The following NPIPB7 variants were observed in gnomAD, a reference collection of about 807,000 sequenced individuals.
NPIPB7 encodes nuclear pore complex-interacting protein family member B7.
For synonymous variants in NPIPB7, 9 were observed against 88.1 expected (o/e 0.10, Z 5.03); for missense variants, 14 against 238.5 (o/e 0.06, Z 6.20).
At chr16:28,470,716 G>T (rs1405778323), upstream of NPIPB7, among the ~76,000 whole-genome samples, 2 of 150,888 alleles carry the variant, frequency 1.3e-5, no homozygotes, top group East Asian at 3.9e-4. Context: ...AGGAGGTGGA[G>T]GAGGAGAAGA....
At chr16:28,457,308 CAG>C (rs2045851459) in intron 6 of NPIPB7, among the ~76,000 whole-genome samples, 2 of 84,578 alleles carry the variant, frequency 2.4e-5, no homozygotes, top group African/African-American at 4.1e-5. Context: ...CCAGGGAAGA[CAG>C]AGTCATAACA....
At chr16:28,463,761 G>C (rs1180069481) in intron 2 of NPIPB7, among the ~76,000 whole-genome samples, 1 of 134,518 alleles carries the variant, frequency 7.4e-6, no homozygotes, top group Non-Finnish European at 1.6e-5. Context: ...AATAGCCCAG[G>C]TGCGGTAGCT....
At chr16:28,463,565 A>G (rs1288394290) in intron 2 of NPIPB7, among the ~76,000 whole-genome samples, 1 of 144,816 alleles carries the variant, frequency 6.9e-6, no homozygotes, top group Non-Finnish European at 1.5e-5. Flanking sequence ...TGTCTCTGCT[A>G]AAAATACAAA....
Position 28,463,024 on chromosome 16 carries a change from C to CCATGG in NPIPB7, c.306_307insCCATG (p.Val103ProfsTer18). The CCATGG allele has an allele frequency of 2.6e-6, 1 of 381,696 alleles. No homozygotes were observed. The highest frequency in any genetic ancestry group is 4.3e-6 in the Non-Finnish European group (1 of 231,476). 23.6% of individuals were successfully genotyped at this position (381,696 alleles called of 1,614,324 possible). ...TTGGACCTCCAGGCTCTCTGCTGTA[C>CCATGG]ATCCATGGATCCATCATGTCCATTT... On this transcript the variant is annotated frameshift_variant, in exon 3 of 7. Coordinates refer to ENST00000452313, the Ensembl canonical transcript of NPIPB7. LOFTEE classifies it high-confidence loss of function.
chr16:28,462,094 G>A (rs1471606607), intron 4 of NPIPB7, among the ~76,000 whole-genome samples: 78 of 148,386 alleles, frequency 5.3e-4, no homozygotes, highest in African/African-American at 1.9e-3. Context: ...TCCAGCCTGG[G>A]CGACAGAGCG....
intron 2 of NPIPB7, among the ~76,000 whole-genome samples, chr16:28,464,019 GT>G (rs1333413500): frequency 1.4e-5 from 1 of 71,328 alleles, no homozygotes; most frequent in African/African-American, 4.2e-5. Flanking sequence ...TGGTGACAGA[GT>G]GAGACTCCGT....
intron 2 of NPIPB7, among the ~76,000 whole-genome samples, chr16:28,464,424 T>C (rs2141681093): frequency 6.6e-6 from 1 of 152,340 alleles, no homozygotes; most frequent in Non-Finnish European, 1.5e-5. Flanking sequence ...GTTCTCATCA[T>C]AGCGAAAATG....
At chr16:28,465,497 GAA>G (rs1168333643) in intron 2 of NPIPB7, among the ~76,000 whole-genome samples, 1 of 74,326 alleles carries the variant, frequency 1.3e-5, no homozygotes. Flanking sequence ...GGTGAGAAAA[GAA>G]AAAAAAAAAA....
At chr16:28,461,843 G>C (rs1470905462) in intron 4 of NPIPB7, among the ~76,000 whole-genome samples, 6 of 140,862 alleles carry the variant, frequency 4.3e-5, no homozygotes, top group Admixed American at 1.4e-4. Context: ...AGCTACTCAA[G>C]AGGCTGAGGG....
chr16:28,465,497 G>GAA (rs1168333643), intron 2 of NPIPB7, among the ~76,000 whole-genome samples: 1 of 74,326 alleles, frequency 1.3e-5, no homozygotes, highest in Non-Finnish European at 2.9e-5. Context: ...GGTGAGAAAA[G>GAA]AAAAAAAAAA....
At chr16:28,463,665 G>T (rs1219309562) in intron 2 of NPIPB7, among the ~76,000 whole-genome samples, 1 of 105,846 alleles carries the variant, frequency 9.4e-6, no homozygotes, top group African/African-American at 3.2e-5. Flanking sequence ...AGAAAAGGTT[G>T]TGGTGAGCTG....
chr16:28,470,483 G>T (rs1160669199), exon 1 of NPIPB7: 3 of 1,534,908 alleles, frequency 2.0e-6, no homozygotes, highest in Non-Finnish European at 2.6e-6. Context: ...GGACAGAGGT[G>T]GAGGTGGCTT....
chr16:28,463,580 G>A (rs1292863952), intron 2 of NPIPB7, among the ~76,000 whole-genome samples: 10 of 145,952 alleles, frequency 6.9e-5, no homozygotes, highest in South Asian at 4.3e-4. Flanking sequence ...TACAAAATTA[G>A]CCAGGCATGG....
intron 4 of NPIPB7, among the ~76,000 whole-genome samples, chr16:28,461,831 C>T (rs2045871600): frequency 7.1e-6 from 1 of 140,850 alleles, no homozygotes; most frequent in African/African-American, 2.7e-5. Flanking sequence ...GCCTGTAGTC[C>T]CAGCTACTCA....
At position 28,457,040 on chromosome 16, in the gene NPIPB7, G is replaced by A; in HGVS notation, c.643-14C>T. The A allele has an allele frequency of 7.9e-7, 1 of 1,258,650 alleles. No individual in the cohort carries two copies. Among genetic ancestry groups the A allele is most frequent in the Non-Finnish European group, 1.1e-6 (1 of 929,296 alleles). 78.0% of individuals were successfully genotyped at this position (1,258,650 alleles called of 1,614,324 possible). On this transcript the variant is annotated splice_polypyrimidine_tract_variant and intron_variant, in intron 6 of 6. Coordinates refer to ENST00000452313, the Ensembl canonical transcript of NPIPB7. ...CGCCATTCTGACCTGTAGGGCCAAA[G>A]GAGGGAATGTTTTCACACATATTCA...
upstream of NPIPB7, chr16:28,470,584 GAA>G (rs2035927387): frequency 1.4e-5 from 1 of 70,216 alleles, no homozygotes; most frequent in Non-Finnish European, 2.3e-5. Context: ...AGGGGGAGGG[GAA>G]GGGGAGGGGG....
chr16:28,459,502 CCGTT>C (rs1180712524), intron 4 of NPIPB7, among the ~76,000 whole-genome samples: 1 of 59,828 alleles, frequency 1.7e-5, no homozygotes. Context: ...TGTCTTCTGA[CCGTT>C]TGTTTCTATT....
At chr16:28,461,293 C>T (rs1020226080) in intron 4 of NPIPB7, among the ~76,000 whole-genome samples, 1 of 131,564 alleles carries the variant, frequency 7.6e-6, no homozygotes, top group African/African-American at 2.8e-5. Flanking sequence ...AGGGACTGAG[C>T]CTGCACCGAC....
chr16:28,463,434 A>AG (rs2045884291), intron 2 of NPIPB7, among the ~76,000 whole-genome samples: 3 of 81,962 alleles, frequency 3.7e-5, no homozygotes, highest in East Asian at 8.1e-4. Context: ...CACACACACA[A>AG]GAATGACATG....
Sources: allele counts gnomAD v4.1 joint callset (sites outside exome capture counted in the v4.1 genomes callset), GRCh38; gene constraint gnomAD v4.1.1; transcripts MANE v1.5; gene names NCBI Gene and HGNC (gene_info 2026-07-23, HGNC 2026-07-21).